DRICH1: variants seen among roughly 807,000 people sequenced by gnomAD.
DRICH1 encodes aspartate-rich protein 1.
A neutral mutation model predicts 39.5 loss-of-function variants in DRICH1; 38 were observed. The observed-to-expected ratio is 0.96, with a 90% CI of 0.74 to 1.26. The LOEUF (loss-of-function observed/expected upper bound fraction) is 1.26. Ranked by LOEUF, DRICH1 falls within the 50% of genes most tolerant of loss-of-function variation. DRICH1 has a pLI of 0.00. For synonymous variants in DRICH1, 84 were observed against 99.5 expected (o/e 0.84, Z 0.93); for missense variants, 279 against 270.4 (o/e 1.03, Z -0.22).
At chr22:23,601,541 CA>C in the DRICH1 span, among the ~76,000 whole-genome samples, 2 of 152,048 alleles carry the variant, frequency 1.3e-5, no homozygotes, top group Non-Finnish European at 2.9e-5. Context: ...TAATAGTTGC[CA>C]GGGGCTAAGG....
chr22:23,614,258 ACT>A (rs781222242), intron 8 of DRICH1, 44 bp from the exon 9 acceptor site: 1 of 1,379,694 alleles, frequency 7.2e-7, no homozygotes, highest in Non-Finnish European at 1.0e-6. Context: ...GTGGTTGGTG[ACT>A]CTGAGTCACT....
the DRICH1 span, chr22:23,581,686 A>C: frequency 1.3e-5 from 2 of 148,906 alleles, no homozygotes; most frequent in African/African-American, 5.0e-5. Context: ...AGCTCACTGA[A>C]ACCTCCGAAT....
At chr22:23,586,813 G>A in the DRICH1 span, among the ~76,000 whole-genome samples, 1 of 152,146 alleles carries the variant, frequency 6.6e-6, no homozygotes, top group Non-Finnish European at 1.5e-5. Flanking sequence ...CCAAAGTGCT[G>A]GGATTACAGA....
chr22:23,621,424 A>C (rs1004563148), intron 4 of DRICH1, among the ~76,000 whole-genome samples: 13 of 152,020 alleles, frequency 8.6e-5, no homozygotes, highest in African/African-American at 3.1e-4. Context: ...CAACCATAAA[A>C]AAAAAAATAC....
the DRICH1 span, among the ~76,000 whole-genome samples, chr22:23,592,093 A>C: frequency 2.0e-5 from 3 of 152,224 alleles, no homozygotes; most frequent in Non-Finnish European, 2.9e-5. Context: ...TTCAGGGAAC[A>C]CAGGAACGCA....
chr22:23,581,613 CT>C, the DRICH1 span: 174 of 139,736 alleles, frequency 1.2e-3, no homozygotes, highest in Non-Finnish European at 1.3e-3. Flanking sequence ...TCATCTTGAC[CT>C]TTTTTTTTTT....
At chr22:23,632,473 A>G (rs1406594600), upstream of DRICH1, among the ~76,000 whole-genome samples, 1 of 151,634 alleles carries the variant, frequency 6.6e-6, no homozygotes, top group Non-Finnish European at 1.5e-5. Context: ...GCTGCTGCCC[A>G]CCTTGTGGCC....
the DRICH1 span, among the ~76,000 whole-genome samples, chr22:23,600,638 C>T: frequency 1.3e-5 from 2 of 149,538 alleles, no homozygotes; most frequent in East Asian, 4.0e-4. Context: ...CCCACCCCCA[C>T]TAGCCTCCCC....
chr22:23,620,477 G>A, intron 5 of DRICH1, 117 bp downstream of exon 5: 2 of 1,175,088 alleles, frequency 1.7e-6, no homozygotes, highest in Non-Finnish European at 1.3e-6. Flanking sequence ...TACACTTGCA[G>A]AATCATTTGC....
At chr22:23,613,720 A>C (rs544548695) in intron 9 of DRICH1, 60 bp from the exon 10 acceptor site, 3 of 1,281,654 alleles carry the variant, frequency 2.3e-6, no homozygotes, top group African/African-American at 3.0e-5. Flanking sequence ...CTTCACACAG[A>C]TCTGTTATTC....
the DRICH1 span, among the ~76,000 whole-genome samples, chr22:23,582,474 T>C: frequency 6.6e-6 from 1 of 151,862 alleles, no homozygotes; most frequent in Non-Finnish European, 1.5e-5. Context: ...GGATACCTCC[T>C]ATGGATGGGA....
the DRICH1 span, among the ~76,000 whole-genome samples, chr22:23,591,301 C>T: frequency 6.6e-6 from 1 of 152,158 alleles, no homozygotes; most frequent in Non-Finnish European, 1.5e-5. Flanking sequence ...CCCCTGGTGG[C>T]CTCCCGCTGC....
the DRICH1 span, among the ~76,000 whole-genome samples, chr22:23,588,393 T>C: frequency 6.6e-6 from 1 of 152,212 alleles, no homozygotes; most frequent in African/African-American, 2.4e-5. Context: ...CCCAAAGTGC[T>C]GGGATCACAG....
At chr22:23,626,410 A>G (rs1028989914) in intron 1 of DRICH1, among the ~76,000 whole-genome samples, 3 of 152,242 alleles carry the variant, frequency 2.0e-5, no homozygotes, top group Non-Finnish European at 2.9e-5. Context: ...GCCCATGGAT[A>G]CAAATTGTCT....
In DRICH1 at chr22:23,631,833, T is replaced by TTGCTGATG; in HGVS notation, c.183_190dup (p.Asn64ThrfsTer16). On this transcript the variant is annotated frameshift_variant, in exon 1 of 12. Transcript: ENST00000317749. LOFTEE classifies it high-confidence loss of function. Reference sequence around the variant, plus strand: ...TTTTTTACCTGTGGGCATCTTTTGGTTGCTGATGTGCTGCAGGTCTTGGCC... The same window carrying TTGCTGATG: ...TTTTTTACCTGTGGGCATCTTTTGGTTGCTGATGTGCTGATGTGCTGCAGGTCTTGGCC... 1.9e-6 allele frequency: 3 copies of TTGCTGATG among 1,612,270 alleles called. No homozygotes were observed. In the East Asian group the frequency reaches 6.7e-5, roughly 36 times the overall value.
At position 23,622,072 on chromosome 22, in the gene DRICH1, C is replaced by A. The variant is rs190048384; in HGVS notation, c.384+19G>T. 1 of 1,611,716 alleles carries A rather than the reference C, an allele frequency of 6.2e-7. No individual in the cohort carries two copies. Among genetic ancestry groups the A allele is most frequent in the Non-Finnish European group, 8.5e-7 (1 of 1,178,064 alleles). Reference sequence around the variant, plus strand: ...AGAAAACCAACATTTCCTTAGAAGACAAAGAAAGATTGTCTTACCTGGGCA... The same window carrying A: ...AGAAAACCAACATTTCCTTAGAAGAAAAAGAAAGATTGTCTTACCTGGGCA... On this transcript the variant is annotated intron_variant, in intron 4 of 11. Transcript: ENST00000317749.
At chr22:23,618,877 A>C (rs1927537965) in intron 6 of DRICH1, among the ~76,000 whole-genome samples, 1 of 152,146 alleles carries the variant, frequency 6.6e-6, no homozygotes, top group Non-Finnish European at 1.5e-5. Context: ...TATTGGTATA[A>C]GATATCACAA....
At chr22:23,609,422 A>T (rs895388031) in intron 11 of DRICH1, among the ~76,000 whole-genome samples, 1 of 152,198 alleles carries the variant, frequency 6.6e-6, no homozygotes, top group African/African-American at 2.4e-5. Context: ...AAGCCAGTTT[A>T]CAGCCCCTCA....
chr22:23,630,112 GT>G (rs1928303518), intron 1 of DRICH1, among the ~76,000 whole-genome samples: 1 of 152,186 alleles, frequency 6.6e-6, no homozygotes, highest in Non-Finnish European at 1.5e-5. Flanking sequence ...AGCTTTCTAT[GT>G]GTATTTCACA....
Sources: gnomAD v4.1 joint callset for allele counts (sites outside exome capture counted in the v4.1 genomes callset) on GRCh38, gnomAD v4.1.1 for gene constraint, MANE v1.5 for transcripts, NCBI Gene and HGNC (gene_info 2026-07-23, HGNC 2026-07-21) for gene names.